DCHS2: variants seen among roughly 807,000 people sequenced by gnomAD.
DCHS2 encodes dachsous cadherin-related 2, also known as protocadherin-23.
In DCHS2, 142 loss-of-function variants were observed where a neutral mutation model predicts 182.4. The observed-to-expected ratio is 0.78, with a 90% CI of 0.68 to 0.89. The LOEUF (loss-of-function observed/expected upper bound fraction) is 0.89. Ranked by LOEUF, DCHS2 falls within the 40% of genes least tolerant of loss-of-function variation. The pLI, the probability that DCHS2 is intolerant of heterozygous loss-of-function variation, is 0.00. For synonymous variants in DCHS2, 1,740 were observed against 1,663.3 expected, an observed-to-expected ratio of 1.05 and a Z score of -1.12; for missense variants, 4,319 against 4,198.6, an observed-to-expected ratio of 1.03 and a Z score of -0.79.
At chr4:154,443,406 G>A (rs1008191510) in intron 1 of DCHS2, among the ~76,000 whole-genome samples, 11 of 152,084 alleles carry the variant, frequency 7.2e-5, no homozygotes, top group African/African-American at 2.4e-4. Flanking sequence ...ACACATTGTG[G>A]AATGCTCTCT....
At chr4:154,454,879 A>C (rs1038065194) in intron 1 of DCHS2, among the ~76,000 whole-genome samples, 1 of 152,254 alleles carries the variant, frequency 6.6e-6, no homozygotes, top group African/African-American at 2.4e-5. Context: ...GATTAAAGGC[A>C]AAGCTCACTG....
chr4:154,367,006 G>A (rs1407825543), intron 2 of DCHS2, among the ~76,000 whole-genome samples: 1 of 152,138 alleles, frequency 6.6e-6, no homozygotes, highest in Non-Finnish European at 1.5e-5. Flanking sequence ...CCCACATGAG[G>A]CAGCTAGACT....
chr4:154,484,552 T>TA (rs1160440095), intron 1 of DCHS2, among the ~76,000 whole-genome samples: 1 of 152,254 alleles, frequency 6.6e-6, no homozygotes, highest in African/African-American at 2.4e-5. Flanking sequence ...GATTTTCAAT[T>TA]AATTCATACT....
chr4:154,403,021 C>T (rs1579050619), intron 1 of DCHS2, among the ~76,000 whole-genome samples: 1 of 152,206 alleles, frequency 6.6e-6, no homozygotes, highest in African/African-American at 2.4e-5. Flanking sequence ...GTATATTGAC[C>T]TTGTATCCTC....
rs565434638 is a variant in DCHS2, at chr4:154,479,337, A to G, written c.2052+9967T>C. Among the ~76,000 whole-genome samples, 8 of 152,262 alleles carry G rather than the reference A, an allele frequency of 5.3e-5. No homozygotes were observed. In the East Asian group the frequency reaches 5.8e-4, roughly 11 times the overall value. On this transcript the variant is annotated intron_variant, in intron 1 of 19. Coordinates refer to ENST00000357232, the MANE Select transcript of DCHS2 (RefSeq NM_001358235.2). Reference sequence around the variant, plus strand: ...AAGGCCTCAGATCTAAAGGTCTAACATATGTATATTTGGAATCTCTGAAAG... The same window carrying G: ...AAGGCCTCAGATCTAAAGGTCTAACGTATGTATATTTGGAATCTCTGAAAG...
In DCHS2 at chr4:154,333,366, G is replaced by A. The variant is rs1225735733; in HGVS notation, c.2842C>T (p.Leu948Phe). 6.8e-6 allele frequency: 11 copies of A among 1,614,090 alleles called. No individual in the cohort carries two copies. The East Asian group carries it at 2.2e-4, about 33-fold the overall frequency. The change falls in exon 5 of 20, where the codon CTC becomes TTC. Residue 948 changes from leucine (L) to phenylalanine (F), a missense_variant. Physicochemically the swap from Leu to Phe is conservative, Grantham distance 22 (BLOSUM62 0). Coordinates refer to ENST00000357232, the MANE Select transcript of DCHS2 (RefSeq NM_001358235.2). ...CTGCCGAGCTGCGCCTGCACCGTGA[G>A]CACAACCACGGGCTGCGTCTCGTGA... ...LDHETQPVVV[L>F]TVQAQLGSAP...
intron 16 of DCHS2, among the ~76,000 whole-genome samples, chr4:154,244,222 T>C (rs1258234000): frequency 6.6e-6 from 1 of 152,230 alleles, no homozygotes; most frequent in African/African-American, 2.4e-5. Context: ...TTTGCTTTTC[T>C]ATAGTAAGTA....
chr4:154,414,487 CTTTTTTTTTTTTT>C lies in DCHS2; in HGVS notation c.2053-37056_2053-37044del, dbSNP rs375818839. Among the ~76,000 whole-genome samples the C allele has an allele frequency of 8.1e-5, 6 of 73,752 alleles. No individual in the cohort carries two copies. In the South Asian group the frequency reaches 2.5e-3, roughly 31 times the overall value. 48.4% of individuals were successfully genotyped at this position (73,752 alleles called of 152,430 possible). ...ACAAAAAATATCTCCATACAGCTTT[CTTTTTTTTTTTTT>C]TTTTTTTTTTTGGCCAAGGGACATA... On this transcript the variant is annotated intron_variant, in intron 1 of 19. Coordinates refer to ENST00000357232, the MANE Select transcript of DCHS2 (RefSeq NM_001358235.2).
At chr4:154,427,540 C>T (rs564800053) in intron 1 of DCHS2, among the ~76,000 whole-genome samples, 20 of 152,342 alleles carry the variant, frequency 1.3e-4, no homozygotes, top group Non-Finnish European at 2.5e-4. Context: ...GCCCAATTTG[C>T]GAATCATTCT....
At chr4:154,300,655 G>A (rs1477486356) in intron 12 of DCHS2, among the ~76,000 whole-genome samples, 2 of 151,902 alleles carry the variant, frequency 1.3e-5, no homozygotes, top group African/African-American at 4.8e-5. Context: ...GTGCTGCTGC[G>A]GTGAGCTGTG....
chr4:154,378,127 T>A (rs1468121795), intron 1 of DCHS2, among the ~76,000 whole-genome samples: 1 of 152,088 alleles, frequency 6.6e-6, no homozygotes, highest in African/African-American at 2.4e-5. Context: ...GCACAAACAC[T>A]GACATGCCCA....
chr4:154,304,661 A>T lies in DCHS2; in HGVS notation c.5605+8T>A, dbSNP rs780165460. 1.1e-5 allele frequency: 15 copies of T among 1,386,792 alleles called. No individual in the cohort carries two copies. Among genetic ancestry groups the T allele is most frequent in the Non-Finnish European group, 1.5e-5 (15 of 1,012,064 alleles). 85.9% of individuals were successfully genotyped at this position (1,386,792 alleles called of 1,614,324 possible). On this transcript the variant is annotated splice_region_variant and intron_variant, in intron 12 of 19. Transcript: ENST00000357232. ...CAAACAAACAAACAAACAAACAAAC[A>T]AACTTACCAATTATGTGATATTCAA...
intron 3 of DCHS2, among the ~76,000 whole-genome samples, chr4:154,356,434 G>A (rs953156720): frequency 1.3e-5 from 2 of 152,128 alleles, no homozygotes; most frequent in African/African-American, 4.8e-5. Context: ...GAAATTTGAT[G>A]TAGCCTAAGT....
chr4:154,392,371 C>T (rs1731746629), intron 1 of DCHS2, among the ~76,000 whole-genome samples: 1 of 152,064 alleles, frequency 6.6e-6, no homozygotes, highest in African/African-American at 2.4e-5. Context: ...AGGATGCATT[C>T]CCAGATATAA....
At chr4:154,423,229 T>A (rs1733183044) in intron 1 of DCHS2, among the ~76,000 whole-genome samples, 1 of 152,196 alleles carries the variant, frequency 6.6e-6, no homozygotes. Flanking sequence ...CCTAGCCCAA[T>A]GCTAACATTT....
chr4:154,477,882 C>G (rs1345386262), intron 1 of DCHS2, among the ~76,000 whole-genome samples: 1 of 152,168 alleles, frequency 6.6e-6, no homozygotes, highest in Non-Finnish European at 1.5e-5. Flanking sequence ...CAGTGAATGA[C>G]TTTTCCTATA....
At chr4:154,425,226 G>C (rs775762030) in intron 1 of DCHS2, among the ~76,000 whole-genome samples, 7 of 152,182 alleles carry the variant, frequency 4.6e-5, no homozygotes, top group Non-Finnish European at 1.0e-4. Context: ...TCTTTTCAAG[G>C]CTCCAGCCCC....
intron 14 of DCHS2, among the ~76,000 whole-genome samples, chr4:154,267,824 T>C (rs935215229): frequency 6.6e-6 from 1 of 152,220 alleles, no homozygotes; most frequent in South Asian, 2.1e-4. Flanking sequence ...GCCTCTCCAG[T>C]AGTTTTTGTA....
chr4:154,279,321 A>G (rs1734013522), intron 13 of DCHS2, among the ~76,000 whole-genome samples: 1 of 151,998 alleles, frequency 6.6e-6, no homozygotes, highest in African/African-American at 2.4e-5. Context: ...AAGAAAATAA[A>G]TGAAAAATAA....
Sources: gnomAD v4.1 joint callset for allele counts (sites outside exome capture counted in the v4.1 genomes callset) on GRCh38, gnomAD v4.1.1 for gene constraint, MANE v1.5 for transcripts, NCBI Gene and HGNC (gene_info 2026-07-23, HGNC 2026-07-21) for gene names.